The following SPNS3 variants were observed in gnomAD, a reference collection of about 807,000 sequenced individuals.
The protein encoded by SPNS3 is protein spinster homolog 3.
A neutral mutation model predicts 54.4 loss-of-function variants in SPNS3; 51 were observed. The ratio of observed to expected loss-of-function variants is 0.94; its 90% confidence interval spans 0.75 to 1.18. SPNS3 has a LOEUF of 1.18. SPNS3 is among the 50% of genes most tolerant of loss of function. The pLI, the probability that SPNS3 is intolerant of heterozygous loss-of-function variation, is 0.00. For synonymous variants in SPNS3, 309 were observed against 294.7 expected, an observed-to-expected ratio of 1.05 and a Z score of -0.50; for missense variants, 669 against 677.4, an observed-to-expected ratio of 0.99 and a Z score of 0.14.
In SPNS3 at chr17:4,468,795, CT is replaced by C. The variant is rs1174872321; in HGVS notation, c.1114-9765del. Among the ~76,000 whole-genome samples, 248 of 107,588 alleles carry C rather than the reference CT, an allele frequency of 2.3e-3. 1 individual carries two copies. Among genetic ancestry groups the C allele is most frequent in the South Asian group, 6.5e-3 (21 of 3,250 alleles). 70.6% of individuals were successfully genotyped at this position (107,588 alleles called of 152,430 possible). ...TTTTTCTTTCTTTCTCTCTCTCTTT[CT>C]TTTTTTTTTTTGACGGAGTTTTGCT... On this transcript the variant is annotated intron_variant, in intron 8 of 11. Transcript: ENST00000355530.
chr17:4,443,482 G>A (rs534796674), intron 2 of SPNS3, among the ~76,000 whole-genome samples: 4 of 152,330 alleles, frequency 2.6e-5, no homozygotes, highest in East Asian at 1.9e-4. Context: ...AAACACTTCC[G>A]TATGATGGTG....
intron 8 of SPNS3, among the ~76,000 whole-genome samples, chr17:4,469,620 CAAAAAA>C (rs551056606): frequency 1.5e-5 from 1 of 66,864 alleles, no homozygotes; most frequent in Non-Finnish European, 2.9e-5. Context: ...GACTCCATCT[CAAAAAA>C]AAAAAAAAAA....
chr17:4,435,838 A>G (rs1970703076), intron 1 of SPNS3, among the ~76,000 whole-genome samples: 1 of 152,206 alleles, frequency 6.6e-6, no homozygotes, highest in African/African-American at 2.4e-5. Flanking sequence ...AGGCTGAGGC[A>G]GGACAGTCGC....
intron 8 of SPNS3, among the ~76,000 whole-genome samples, chr17:4,467,661 A>C (rs1971717238): frequency 6.6e-6 from 1 of 152,114 alleles, no homozygotes; most frequent in Non-Finnish European, 1.5e-5. Context: ...GATTTATTTA[A>C]TTTAATTAAA....
At chr17:4,451,761 G>A (rs1425621359) in intron 7 of SPNS3, among the ~76,000 whole-genome samples, 5 of 151,918 alleles carry the variant, frequency 3.3e-5, no homozygotes, top group South Asian at 2.1e-4. Flanking sequence ...TCCACCTCCC[G>A]GATTCAAGTG....
intron 7 of SPNS3, 120 bp downstream of exon 7, chr17:4,449,507 A>C: frequency 8.3e-7 from 1 of 1,201,786 alleles, no homozygotes; most frequent in Non-Finnish European, 1.1e-6. Flanking sequence ...TGCTGTGTGA[A>C]GACAGTGGAG....
chr17:4,453,652 G>T (rs1167015492), intron 8 of SPNS3, among the ~76,000 whole-genome samples: 18 of 152,116 alleles, frequency 1.2e-4, no homozygotes. Flanking sequence ...CTTACCAGGA[G>T]TTCCACAGTG....
intron 2 of SPNS3, among the ~76,000 whole-genome samples, chr17:4,442,344 C>T (rs1202711047): frequency 6.6e-6 from 1 of 151,998 alleles, no homozygotes; most frequent in East Asian, 1.9e-4. Flanking sequence ...ACCAGCCTGG[C>T]CAACATGGTG....
intron 1 of SPNS3, among the ~76,000 whole-genome samples, chr17:4,436,023 A>ACCCC (rs768663749): frequency 0.28 from 41,985 of 151,996 alleles, 5,987 homozygotes; most frequent in Admixed American, 0.35. Flanking sequence ...GCTGAGCACT[A>ACCCC]ACTGTGGGCA....
intron 5 of SPNS3, among the ~76,000 whole-genome samples, chr17:4,447,415 C>G (rs1228577663): frequency 6.6e-6 from 1 of 152,208 alleles, no homozygotes; most frequent in Non-Finnish European, 1.5e-5. Context: ...GCTGGGGCTC[C>G]AGCCCTTGTG....
chr17:4,438,301 C>T (rs1439213899), intron 1 of SPNS3, among the ~76,000 whole-genome samples: 2 of 152,194 alleles, frequency 1.3e-5, no homozygotes, highest in African/African-American at 4.8e-5. Context: ...AGACGGGCAA[C>T]CTTGGGCCGC....
chr17:4,458,053 G>A (rs1019268476), intron 8 of SPNS3, among the ~76,000 whole-genome samples: 10 of 150,752 alleles, frequency 6.6e-5, no homozygotes, highest in African/African-American at 2.4e-4. Flanking sequence ...TAGAATGCTC[G>A]GATGTTCTGA....
intron 8 of SPNS3, among the ~76,000 whole-genome samples, chr17:4,472,176 C>T (rs1336211794): frequency 1.3e-5 from 2 of 152,094 alleles, no homozygotes; most frequent in Non-Finnish European, 2.9e-5. Flanking sequence ...ATTTTTTTCT[C>T]CTTGTCTCCC....
At chr17:4,436,279 G>C (rs1970717553) in intron 1 of SPNS3, among the ~76,000 whole-genome samples, 1 of 152,182 alleles carries the variant, frequency 6.6e-6, no homozygotes, top group African/African-American at 2.4e-5. Context: ...ATGCCAGAGA[G>C]TGGCTATGGA....
intron 9 of SPNS3, among the ~76,000 whole-genome samples, chr17:4,485,843 ATGCAGACACCTGGCATGCACCCGCTCTTC>A (rs1972298229): frequency 1.3e-5 from 2 of 152,236 alleles, no homozygotes; most frequent in Admixed American, 1.3e-4. Flanking sequence ...TTGCCTGCAC[ATGCAGACACCTGGCATGCACCCGCTCTTC>A]GCCCTGCCCG....
At chr17:4,480,212 T>C (rs891319124) in intron 9 of SPNS3, among the ~76,000 whole-genome samples, 9 of 151,866 alleles carry the variant, frequency 5.9e-5, no homozygotes, top group African/African-American at 1.9e-4. Flanking sequence ...GACTGGCAGG[T>C]CTTCCCTGCC....
At chr17:4,487,761 AC>A in intron 11 of SPNS3, 44 bp from the exon 12 acceptor site, 2 of 1,587,286 alleles carry the variant, frequency 1.3e-6, no homozygotes, top group Non-Finnish European at 1.7e-6. Flanking sequence ...GTCCCAAAGC[AC>A]CTTCTGCAAC....
intron 9 of SPNS3, among the ~76,000 whole-genome samples, chr17:4,484,367 C>T: frequency 6.6e-6 from 1 of 152,198 alleles, no homozygotes; most frequent in East Asian, 1.9e-4. Flanking sequence ...TTCACTCAGG[C>T]TGGAGTATAG....
chr17:4,484,518 G>A (rs375445396), intron 9 of SPNS3, among the ~76,000 whole-genome samples: 212 of 152,050 alleles, frequency 1.4e-3, no homozygotes, highest in African/African-American at 4.7e-3. Context: ...ATGGGATTTC[G>A]CCATGTTGGC....
Sources: gnomAD v4.1 joint callset for allele counts (sites outside exome capture counted in the v4.1 genomes callset) on GRCh38, gnomAD v4.1.1 for gene constraint, MANE v1.5 for transcripts, NCBI Gene and HGNC (gene_info 2026-07-23, HGNC 2026-07-21) for gene names.